The following TRIM24 variants were observed in gnomAD, a reference collection of about 807,000 sequenced individuals.
The protein encoded by TRIM24 is tripartite motif containing 24, also known as transcription intermediary factor 1-alpha.
A neutral mutation model predicts 123.9 loss-of-function variants in TRIM24; 29 were observed. The ratio of observed to expected loss-of-function variants is 0.23; its 90% confidence interval spans 0.17 to 0.32. The LOEUF is 0.32. Among genes scored for constraint, TRIM24 ranks in the 10% least tolerant of loss-of-function variants. The pLI is 1.00. For synonymous variants in TRIM24, 456 were observed against 461.1 expected, an observed-to-expected ratio of 0.99 and a Z score of 0.14; for missense variants, 932 against 1,295.3, an observed-to-expected ratio of 0.72 and a Z score of 4.31.
intron 1 of TRIM24, among the ~76,000 whole-genome samples, chr7:138,502,552 T>C (rs1438256921): frequency 3.3e-5 from 5 of 152,230 alleles, no homozygotes; most frequent in Non-Finnish European, 2.9e-5. Flanking sequence ...TTGTAGAGTG[T>C]GCACATGACA....
intron 2 of TRIM24, among the ~76,000 whole-genome samples, chr7:138,507,650 T>G (rs1022449068): frequency 6.6e-6 from 1 of 152,170 alleles, no homozygotes; most frequent in African/African-American, 2.4e-5. Context: ...GGTATGTACT[T>G]CAGTAAAATA....
chr7:138,585,032 C>CA lies in TRIM24; in HGVS notation c.*86dup. On this transcript the variant is annotated 3_prime_UTR_variant, in exon 19 of 19. Coordinates refer to ENST00000343526, the MANE Select transcript of TRIM24 (RefSeq NM_015905.3). ...ATTTGTCAGTAATTTAACATCACTA[C>CA]AAAAAGAAGAGTTTGTGACTATTCT... 8.1e-7 allele frequency: 1 copy of CA among 1,239,744 alleles called. No homozygotes were observed. The highest frequency in any genetic ancestry group is 1.1e-6 in the Non-Finnish European group (1 of 890,696). 76.8% of individuals were successfully genotyped at this position (1,239,744 alleles called of 1,614,324 possible). A position where few individuals can be genotyped will look rare whatever the true frequency, so the allele number is the denominator to read the frequency against.
intron 2 of TRIM24, among the ~76,000 whole-genome samples, chr7:138,508,279 G>A (rs1376270779): frequency 6.6e-6 from 1 of 152,162 alleles, no homozygotes; most frequent in Non-Finnish European, 1.5e-5. Context: ...GAATAAAAAT[G>A]TAGTGGCTTG....
chr7:138,559,904 A>G (rs1797390192), intron 9 of TRIM24, among the ~76,000 whole-genome samples: 1 of 152,164 alleles, frequency 6.6e-6, no homozygotes. Flanking sequence ...TGGGTCTGTT[A>G]GGCTTATGGG....
In TRIM24 at chr7:138,586,169, T is replaced by C. The variant is rs1798015573; in HGVS notation, c.*1218T>C. ...TTCTTAATGTGCCAGACCTACCCGG[T>C]TCAGCTGATATAGATAGATAGATAG... On this transcript the variant is annotated 3_prime_UTR_variant, in exon 19 of 19. Transcript: ENST00000343526. 2 of 316,400 alleles carry C rather than the reference T, an allele frequency of 6.3e-6. No individual in the cohort carries two copies. Among genetic ancestry groups the C allele is most frequent in the Admixed American group, 4.2e-5 (1 of 24,096 alleles). 19.6% of individuals were successfully genotyped at this position (316,400 alleles called of 1,614,324 possible). A position where few individuals can be genotyped will look rare whatever the true frequency, so the allele number is the denominator to read the frequency against.
Position 138,584,033 on chromosome 7 carries a change from A to G in TRIM24, c.2943+34A>G, listed in dbSNP as rs1004011755. The G allele has an allele frequency of 4.5e-6, 7 of 1,570,226 alleles. No individual in the cohort carries two copies. In the African/African-American group the frequency reaches 8.3e-5, roughly 19 times the overall value. ...AGGGGAGGGAAGGGGGCAGGAAGGA[A>G]CAGCAGTGTGAAAATCATTTTATTA... On this transcript the variant is annotated intron_variant, in intron 18 of 18. Transcript: ENST00000343526.
At chr7:138,516,322 A>T (rs943880834) in intron 3 of TRIM24, among the ~76,000 whole-genome samples, 1 of 152,104 alleles carries the variant, frequency 6.6e-6, no homozygotes, top group Non-Finnish European at 1.5e-5. Flanking sequence ...AATAATAATA[A>T]TAACTCCAAT....
chr7:138,487,064 A>T (rs1302863813), intron 1 of TRIM24, among the ~76,000 whole-genome samples: 4 of 152,066 alleles, frequency 2.6e-5, no homozygotes, highest in Non-Finnish European at 5.9e-5. Context: ...ATCCCTTGTA[A>T]GTTGGATTCC....
chr7:138,463,043 G>GTTTTTTTTTT lies in TRIM24; in HGVS notation c.364+2148_364+2157dup, dbSNP rs57719141. On this transcript the variant is annotated intron_variant, in intron 1 of 18. Transcript: ENST00000343526. ...CGCCACCACGTCCGGCTAATTTTGTGTTTTTTTTTTTTTTTTTTTTTTTTT... is the reference window on the plus strand; with the variant it reads ...CGCCACCACGTCCGGCTAATTTTGTGTTTTTTTTTTTTTTTTTTTTTTTTTTTTTTTTTTT... 2.5e-4 allele frequency among the ~76,000 whole-genome samples: 15 copies of GTTTTTTTTTT among 60,136 alleles called. 2 individuals are homozygous for GTTTTTTTTTT. The highest frequency in any genetic ancestry group is 5.0e-4 in the Admixed American group (2 of 4,008). 39.5% of individuals were successfully genotyped at this position (60,136 alleles called of 152,430 possible).
intron 1 of TRIM24, among the ~76,000 whole-genome samples, chr7:138,498,045 G>A (rs760450116): frequency 3.3e-4 from 49 of 150,294 alleles, no homozygotes; most frequent in Non-Finnish European, 6.4e-4. Flanking sequence ...TTTTGAGACA[G>A]GGTCTCACTC....
chr7:138,471,404 C>G, intron 1 of TRIM24, among the ~76,000 whole-genome samples: 1 of 151,960 alleles, frequency 6.6e-6, no homozygotes, highest in East Asian at 1.9e-4. Context: ...CTTTCAAAAC[C>G]TTTTTCAAAT....
intron 1 of TRIM24, among the ~76,000 whole-genome samples, chr7:138,479,490 A>T (rs1027146590): frequency 5.9e-5 from 9 of 151,884 alleles, no homozygotes; most frequent in Non-Finnish European, 1.2e-4. Context: ...CTCCAGCCGT[A>T]GACTCCTGAG....
At chr7:138,475,147 C>T (rs923457612) in intron 1 of TRIM24, among the ~76,000 whole-genome samples, 3 of 152,068 alleles carry the variant, frequency 2.0e-5, no homozygotes, top group Admixed American at 1.3e-4. Context: ...GATATTACTA[C>T]TTTAAATAGA....
intron 1 of TRIM24, among the ~76,000 whole-genome samples, chr7:138,475,750 T>C (rs1795382735): frequency 6.6e-6 from 1 of 152,166 alleles, no homozygotes; most frequent in East Asian, 1.9e-4. Flanking sequence ...GCCTCAGTGA[T>C]CCACCCACCT....
chr7:138,523,897 C>A (rs1169075675), intron 4 of TRIM24, among the ~76,000 whole-genome samples: 1 of 151,890 alleles, frequency 6.6e-6, no homozygotes, highest in Non-Finnish European at 1.5e-5. Flanking sequence ...AATTACAGGC[C>A]AGTCTCACTC....
intron 1 of TRIM24, among the ~76,000 whole-genome samples, chr7:138,485,338 C>T (rs1008283717): frequency 6.6e-6 from 1 of 151,744 alleles, no homozygotes; most frequent in African/African-American, 2.4e-5. Context: ...ACTTTTTCAT[C>T]ATCCTGAGAA....
intron 9 of TRIM24, among the ~76,000 whole-genome samples, chr7:138,561,782 C>T (rs1216716621): frequency 6.6e-6 from 1 of 152,150 alleles, no homozygotes; most frequent in African/African-American, 2.4e-5. Flanking sequence ...ACGGCTGGGG[C>T]CTGAGTTAGG....
In TRIM24 at chr7:138,460,531, G is replaced by A; in HGVS notation, c.-18G>A. ...GAGACCGCGCTCTCGCTTCCCCGGC[G>A]GCGGCAAGGGCAGGACAATGGAGGT... On this transcript the variant is annotated 5_prime_UTR_variant, in exon 1 of 19. Coordinates refer to ENST00000343526, the MANE Select transcript of TRIM24 (RefSeq NM_015905.3). 1 of 1,262,572 alleles carries A rather than the reference G, an allele frequency of 7.9e-7. No individual in the cohort carries two copies. Among genetic ancestry groups the A allele is most frequent in the Non-Finnish European group, 9.9e-7 (1 of 1,008,688 alleles). The allele number at this position is 1,262,572 out of a possible 1,614,324, so 78.2% of individuals were successfully genotyped here.
At chr7:138,526,444 T>G (rs1258635824) in intron 5 of TRIM24, among the ~76,000 whole-genome samples, 3 of 152,144 alleles carry the variant, frequency 2.0e-5, no homozygotes, top group African/African-American at 7.2e-5. Context: ...TTTTGTTTTT[T>G]GTTTTTTGTT....
Sources: gnomAD v4.1 joint callset for allele counts (sites outside exome capture counted in the v4.1 genomes callset) on GRCh38, gnomAD v4.1.1 for gene constraint, MANE v1.5 for transcripts, NCBI Gene and HGNC (gene_info 2026-07-23, HGNC 2026-07-21) for gene names.